The following NXPE4 variants were observed in gnomAD, a reference collection of about 807,000 sequenced individuals.
NXPE4 encodes neurexophilin and PC-esterase domain family member 4.
Under a neutral mutation model 33.3 loss-of-function variants are expected in NXPE4, and 42 were observed. That is an observed-to-expected ratio of 1.26 (90% confidence interval 0.98 to 1.63). The LOEUF (loss-of-function observed/expected upper bound fraction) is 1.63, where lower values mean the gene tolerates loss of function less well. NXPE4 is among the 40% of genes most tolerant of loss of function. NXPE4 has a pLI of 0.00. For synonymous variants in NXPE4, 253 were observed against 234.9 expected (o/e 1.08, Z -0.71); for missense variants, 709 against 647.6 (o/e 1.09, Z -1.03).
At chr11:114,583,240 G>C in intron 2 of NXPE4, 1 of 685,234 alleles carries the variant, frequency 1.5e-6, no homozygotes, top group East Asian at 2.8e-5. Context: ...CAGAGGGACA[G>C]GAAGTGAGCA....
At chr11:114,631,558 G>A in the NXPE4 span, among the ~76,000 whole-genome samples, 1 of 151,412 alleles carries the variant, frequency 6.6e-6, no homozygotes, top group Non-Finnish European at 1.5e-5. Flanking sequence ...AGCACTGGGA[G>A]ATATACCTAA....
At chr11:114,587,814 T>C (rs944058260) in intron 2 of NXPE4, among the ~76,000 whole-genome samples, 8 of 152,206 alleles carry the variant, frequency 5.3e-5, no homozygotes, top group African/African-American at 1.7e-4. Context: ...TGGAGTGCTT[T>C]CTGAAGCACT....
chr11:114,634,209 G>A, the NXPE4 span, among the ~76,000 whole-genome samples: 6 of 151,752 alleles, frequency 4.0e-5, 1 homozygote, highest in Admixed American at 6.6e-5. Context: ...TTCTCTGATG[G>A]CCAGTGATGG....
intron 2 of NXPE4, chr11:114,583,748 T>C (rs932574257): frequency 2.0e-6 from 1 of 503,504 alleles, no homozygotes; most frequent in Admixed American, 2.2e-5. Flanking sequence ...ACTGCTAAAG[T>C]ATCACCAGAG....
chr11:114,641,102 G>A, the NXPE4 span, among the ~76,000 whole-genome samples: 4 of 152,098 alleles, frequency 2.6e-5, no homozygotes, highest in African/African-American at 9.6e-5. Flanking sequence ...AATAACTGAA[G>A]TAAATAGTAG....
intron 5 of NXPE4, among the ~76,000 whole-genome samples, chr11:114,573,286 A>G (rs978437008): frequency 2.0e-5 from 3 of 152,154 alleles, no homozygotes; most frequent in African/African-American, 7.2e-5. Context: ...CCTACATGAA[A>G]TAATGCAATG....
chr11:114,592,260 A>G (rs970982835), intron 2 of NXPE4, among the ~76,000 whole-genome samples: 1 of 152,206 alleles, frequency 6.6e-6, no homozygotes, highest in Admixed American at 6.5e-5. Flanking sequence ...ACATAAACTT[A>G]TATTTAGAAC....
At chr11:114,627,933 T>A in the NXPE4 span, among the ~76,000 whole-genome samples, 12 of 152,068 alleles carry the variant, frequency 7.9e-5, no homozygotes, top group Admixed American at 7.9e-4. Flanking sequence ...AGGCCATTAT[T>A]TAATGGTAAA....
chr11:114,572,053 C>T (rs1027426920), intron 5 of NXPE4, among the ~76,000 whole-genome samples: 3 of 152,168 alleles, frequency 2.0e-5, no homozygotes, highest in Admixed American at 1.3e-4. Context: ...GCTGCAAGAC[C>T]TGAAGATGGG....
At chr11:114,640,449 T>C in the NXPE4 span, among the ~76,000 whole-genome samples, 1 of 151,636 alleles carries the variant, frequency 6.6e-6, no homozygotes, top group Non-Finnish European at 1.5e-5. Flanking sequence ...TTGATGTGAC[T>C]TCTTTTCCTC....
chr11:114,660,154 C>A, the NXPE4 span, among the ~76,000 whole-genome samples: 1 of 151,930 alleles, frequency 6.6e-6, no homozygotes, highest in Non-Finnish European at 1.5e-5. Flanking sequence ...AATGAAAAAT[C>A]TGCATCAGGA....
chr11:114,582,174 GGCTCTT>G, intron 3 of NXPE4, 108 bp downstream of exon 3: 1 of 1,092,902 alleles, frequency 9.1e-7, no homozygotes, highest in Non-Finnish European at 1.3e-6. Context: ...TTTCCCCAAA[GGCTCTT>G]ACTAAAGACA....
At chr11:114,594,919 G>T in intron 1 of NXPE4, 150 bp from the exon 2 acceptor site, 1 of 556,232 alleles carries the variant, frequency 1.8e-6, no homozygotes, top group Non-Finnish European at 3.2e-6. Flanking sequence ...ACCCCCGCAA[G>T]CTGTACTTGG....
the NXPE4 span, among the ~76,000 whole-genome samples, chr11:114,632,127 A>G: frequency 3.5e-5 from 5 of 144,306 alleles, no homozygotes; most frequent in East Asian, 3.9e-4. Flanking sequence ...ATATTATAAT[A>G]AAATATATTA....
At chr11:114,667,431 A>G in the NXPE4 span, among the ~76,000 whole-genome samples, 1 of 152,262 alleles carries the variant, frequency 6.6e-6, no homozygotes, top group Middle Eastern at 3.4e-3. Flanking sequence ...TAAACACGCA[A>G]CACCAAAGAT....
At chr11:114,634,279 T>A in the NXPE4 span, among the ~76,000 whole-genome samples, 5 of 152,092 alleles carry the variant, frequency 3.3e-5, 1 homozygote, top group Non-Finnish European at 7.3e-5. Context: ...AAGTGTCTGT[T>A]CATGTCCTTT....
the NXPE4 span, among the ~76,000 whole-genome samples, chr11:114,611,801 T>G: frequency 7.2e-4 from 110 of 152,038 alleles, no homozygotes; most frequent in Non-Finnish European, 9.1e-4. Flanking sequence ...AAGTGTTGCC[T>G]CTTGGGAAAC....
chr11:114,625,512 A>C, the NXPE4 span, among the ~76,000 whole-genome samples: 3 of 150,600 alleles, frequency 2.0e-5, no homozygotes, highest in Non-Finnish European at 3.0e-5. Context: ...CACTGTTACC[A>C]GGTGGATAAT....
the NXPE4 span, among the ~76,000 whole-genome samples, chr11:114,607,254 C>T: frequency 0.024 from 3,491 of 143,070 alleles, 63 homozygotes; most frequent in Non-Finnish European, 0.039. Flanking sequence ...GTGGATAATA[C>T]GTGTTGCCTC....
Sources: allele counts gnomAD v4.1 joint callset (sites outside exome capture counted in the v4.1 genomes callset), GRCh38; gene constraint gnomAD v4.1.1; transcripts MANE v1.5; gene names NCBI Gene and HGNC (gene_info 2026-07-23, HGNC 2026-07-21).